G6PC2: variants seen among roughly 807,000 people sequenced by gnomAD.
G6PC2 encodes the protein glucose-6-phosphatase catalytic subunit 2.
Under a neutral mutation model 35.4 loss-of-function variants are expected in G6PC2, and 41 were observed. That is an observed-to-expected ratio of 1.16 (90% CI 0.90 to 1.50). The LOEUF (loss-of-function observed/expected upper bound fraction) is 1.50, where lower values mean the gene tolerates loss of function less well. Ranked by LOEUF, G6PC2 falls within the 40% of genes most tolerant of loss-of-function variation. G6PC2 has a pLI of 0.00. For synonymous variants in G6PC2, 165 were observed against 153.2 expected, an observed-to-expected ratio of 1.08 and a Z score of -0.57; for missense variants, 441 against 426.5, an observed-to-expected ratio of 1.03 and a Z score of -0.30.
chr2:168,904,701 GT>G, intron 3 of G6PC2, 85 bp downstream of exon 3: 2 of 795,284 alleles, frequency 2.5e-6, no homozygotes, highest in Non-Finnish European at 4.5e-6. Flanking sequence ...TTTTAGTGCA[GT>G]TTTAGTCAAT....
Position 168,908,867 on chromosome 2 carries a change from A to T in G6PC2, c.*788A>T, listed in dbSNP as rs570876. ...CACCATGCCTGGCTAATTTTTGAAT[A>T]TTTTTTAGAGCCAGCTTCTTACTAT... On this transcript the variant is annotated 3_prime_UTR_variant, in exon 5 of 5. Coordinates refer to ENST00000375363, the MANE Select transcript of G6PC2 (RefSeq NM_021176.3). 67,310 of 151,622 alleles carry T rather than the reference A, an allele frequency of 0.44. 15,432 individuals are homozygous for T. Among genetic ancestry groups the T allele is most frequent in the South Asian group, 0.61 (2,904 of 4,798 alleles). 9.4% of individuals were successfully genotyped at this position (151,622 alleles called of 1,614,324 possible).
At chr2:168,901,631 G>A (rs1190067626) in intron 1 of G6PC2, 82 bp downstream of exon 1, 10 of 756,046 alleles carry the variant, frequency 1.3e-5, no homozygotes, top group Middle Eastern at 3.5e-4. Flanking sequence ...CATTTCAGAT[G>A]TATATCGTTT....
chr2:168,907,775 C>A lies in G6PC2; in HGVS notation c.764C>A (p.Pro255His), dbSNP rs764158428. ...GACTGGATCCACATTGACACCACGC[C>A]TTTTGCTGGACTCGTGAGAAACCTT... ...NPDWIHIDTTPFAGLVRNLGV... is the reference protein window; with the variant it reads ...NPDWIHIDTTHFAGLVRNLGV... Residue 255 changes from proline to histidine, a missense_variant, in exon 5 of 5, where the codon CCT becomes CAT. Coordinates refer to ENST00000375363, the MANE Select transcript of G6PC2 (RefSeq NM_021176.3). The A allele has an allele frequency of 9.9e-6, 16 of 1,614,146 alleles. No homozygotes were observed. The highest frequency in any genetic ancestry group is 3.3e-4 in the Middle Eastern group (2 of 6,062).
intron 1 of G6PC2, among the ~76,000 whole-genome samples, chr2:168,901,892 A>C (rs1690603940): frequency 6.6e-6 from 1 of 151,938 alleles, no homozygotes; most frequent in African/African-American, 2.4e-5. Context: ...ATGTGCCACC[A>C]CACCCAGCTA....
rs756028690 is a variant in G6PC2, at chr2:168,901,548, T to C, written c.217T>C (p.Trp73Arg). 10 of 1,414,228 alleles carry C rather than the reference T, an allele frequency of 7.1e-6. No homozygotes were observed. The Admixed American group carries it at 1.0e-4, about 14-fold the overall frequency. 87.6% of individuals were successfully genotyped at this position (1,414,228 alleles called of 1,614,324 possible). A position where few individuals can be genotyped will look rare whatever the true frequency, so the allele number is the denominator to read the frequency against. Residue 73 changes from tryptophan to arginine, a missense_variant and splice_region_variant, in exon 1 of 5, where the codon TGG becomes CGG. Transcript: ENST00000375363. The stretch of plus-strand genomic sequence containing the variant: ...GGATTGGTTAAATCTTATATTTAAA[T>C]GGTAAGATTTCTGTTTTATTTCATT... The part of the protein sequence containing the change: ...IGDWLNLIFK[W>R]ILFGHRPYWW...
chr2:168,906,368 AAC>A (rs996869594), intron 3 of G6PC2, among the ~76,000 whole-genome samples: 1 of 152,220 alleles, frequency 6.6e-6, no homozygotes, highest in African/African-American at 2.4e-5. Context: ...ACTCCATTAA[AAC>A]AGTTATTCTT....
rs757253980 is a variant in G6PC2 at position 168,901,600 on chromosome 2, G to A, written c.218+51G>A. The A allele has an allele frequency of 9.5e-6, 9 of 951,632 alleles. No individual in the cohort carries two copies. In the African/African-American group the frequency reaches 1.3e-4, roughly 14 times the overall value. 58.9% of individuals were successfully genotyped at this position (951,632 alleles called of 1,614,324 possible). ...TTTCCTAAGATTTATCCTTAAATTT[G>A]TGACTTCGGCATAATGATCACATTT... On this transcript the variant is annotated intron_variant, in intron 1 of 4. Coordinates refer to ENST00000375363, the MANE Select transcript of G6PC2 (RefSeq NM_021176.3).
At chr2:168,906,983 TG>T (rs1293945425) in intron 4 of G6PC2, among the ~76,000 whole-genome samples, 3 of 152,164 alleles carry the variant, frequency 2.0e-5, no homozygotes, top group Non-Finnish European at 4.4e-5. Flanking sequence ...ACAATCTCAG[TG>T]GCGTAAATGC....
intron 2 of G6PC2, among the ~76,000 whole-genome samples, chr2:168,904,059 C>T (rs1690656825): frequency 6.6e-6 from 1 of 152,014 alleles, no homozygotes; most frequent in African/African-American, 2.4e-5. Flanking sequence ...AATAAGCCAA[C>T]TGAAGATCCA....
At chr2:168,905,558 T>TTA (rs1690691239) in intron 3 of G6PC2, among the ~76,000 whole-genome samples, 2 of 152,092 alleles carry the variant, frequency 1.3e-5, no homozygotes, top group Non-Finnish European at 2.9e-5. Flanking sequence ...CATAAAAAGG[T>TTA]GCTATAATGT....
chr2:168,907,530 G>A lies in G6PC2; in HGVS notation c.557-38G>A, dbSNP rs774232751. 2.5e-6 allele frequency: 4 copies of A among 1,600,598 alleles called. No individual in the cohort carries two copies. The Admixed American group carries it at 6.7e-5, about 27-fold the overall frequency. On this transcript the variant is annotated intron_variant, in intron 4 of 4. Coordinates refer to ENST00000375363, the MANE Select transcript of G6PC2 (RefSeq NM_021176.3). ...GGAATGATCCTCGAGGGGCTCAAGG[G>A]CACACAGTCATTGTCAGTGTCTCTT...
At chr2:168,906,169 A>G (rs939903928) in intron 3 of G6PC2, among the ~76,000 whole-genome samples, 5 of 151,674 alleles carry the variant, frequency 3.3e-5, no homozygotes, top group Non-Finnish European at 5.9e-5. Context: ...ATTAAACCCA[A>G]TGAAAAAATT....
At chr2:168,906,216 A>T (rs1690706963) in intron 3 of G6PC2, among the ~76,000 whole-genome samples, 1 of 151,834 alleles carries the variant, frequency 6.6e-6, no homozygotes, top group Non-Finnish European at 1.5e-5. Flanking sequence ...TTTCATCTGG[A>T]TGGTAGCTGC....
intron 1 of G6PC2, among the ~76,000 whole-genome samples, chr2:168,901,997 A>G (rs1341532828): frequency 6.6e-6 from 1 of 152,184 alleles, no homozygotes; most frequent in Non-Finnish European, 1.5e-5. Flanking sequence ...CGGCTTCCTA[A>G]AGTGCTGGGA....
In G6PC2 at chr2:168,908,299, A is replaced by G; in HGVS notation, c.*220A>G. On this transcript the variant is annotated 3_prime_UTR_variant, in exon 5 of 5. Transcript: ENST00000375363. ...AGATACAAGAATATTTGACATAAAAATCGGAAGTTCTGTATTTCTTGAAAA... is the reference window on the plus strand; with the variant it reads ...AGATACAAGAATATTTGACATAAAAGTCGGAAGTTCTGTATTTCTTGAAAA... 1 of 598,626 alleles carries G rather than the reference A, an allele frequency of 1.7e-6. No homozygotes were observed. Among genetic ancestry groups the G allele is most frequent in the Non-Finnish European group, 3.0e-6 (1 of 338,480 alleles). The allele number at this position is 598,626 out of a possible 1,614,324, so 37.1% of individuals were successfully genotyped here. A position where few individuals can be genotyped will look rare whatever the true frequency, so the allele number is the denominator to read the frequency against.
chr2:168,906,960 T>G (rs1005561920), intron 4 of G6PC2, among the ~76,000 whole-genome samples, 181 bp downstream of exon 4: 1 of 152,198 alleles, frequency 6.6e-6, no homozygotes, highest in Non-Finnish European at 1.5e-5. Flanking sequence ...ATAGCCTCCA[T>G]GTACAAAGTG....
At chr2:168,906,062 A>T (rs1574376301) in intron 3 of G6PC2, among the ~76,000 whole-genome samples, 1 of 110,454 alleles carries the variant, frequency 9.1e-6, no homozygotes. Flanking sequence ...CCTGTTCTCT[A>T]TTTTCTGTGT....
chr2:168,908,112 G>A lies in G6PC2; in HGVS notation c.*33G>A. On this transcript the variant is annotated 3_prime_UTR_variant, in exon 5 of 5. Transcript: ENST00000375363. ...CCTAGAGTTAGTGCTCTGTGTCACA[G>A]ATCACCCTTCTCCATCCACCAGTAG... The A allele has an allele frequency of 6.3e-7, 1 of 1,581,438 alleles. No homozygotes were observed. The highest frequency in any genetic ancestry group is 8.7e-7 in the Non-Finnish European group (1 of 1,151,880).
chr2:168,904,370 C>T, intron 2 of G6PC2, 135 bp from the exon 3 acceptor site: 2 of 754,394 alleles, frequency 2.7e-6, no homozygotes, highest in Non-Finnish European at 4.9e-6. Flanking sequence ...CACTTCTAAA[C>T]ATTACATATA....
Sources: gnomAD v4.1 joint callset for allele counts (sites outside exome capture counted in the v4.1 genomes callset) on GRCh38, gnomAD v4.1.1 for gene constraint, MANE v1.5 for transcripts, NCBI Gene and HGNC (gene_info 2026-07-23, HGNC 2026-07-21) for gene names.